Variants in HERC2 observed in about 807,000 individuals in gnomAD.
The protein encoded by HERC2 is E3 ubiquitin-protein ligase HERC2.
HERC2 carries 102 observed loss-of-function variants against 537.7 expected under a neutral mutation model. The observed-to-expected ratio is 0.19, with a 90% confidence interval of 0.16 to 0.22. The LOEUF is 0.22. HERC2 is among the 10% of genes least tolerant of loss of function. The pLI, the probability that HERC2 is intolerant of heterozygous loss-of-function variation, is 1.00. For synonymous variants in HERC2, 2,224 were observed against 2,466.2 expected, an observed-to-expected ratio of 0.90 and a Z score of 2.91; for missense variants, 4,236 against 6,198.2, an observed-to-expected ratio of 0.68 and a Z score of 10.63.
In HERC2 at chr15:28,211,099, G is replaced by A. The variant is rs369739861; in HGVS notation, c.6972C>T (p.Tyr2324=). ...DLLRCQQLKL[Y]ILKAGRALLS... is the part of the protein sequence containing the mutation. ...GCAGCGCCCGACCTGCTTTCAGGATGTATAGCTTCAACTGCTGGCACCGCA... is the reference window on the plus strand; with the variant it reads ...GCAGCGCCCGACCTGCTTTCAGGATATATAGCTTCAACTGCTGGCACCGCA... Residue 2324 remains tyrosine (Y), a synonymous_variant, in exon 44 of 93, where the codon TAC becomes TAT. Transcript: ENST00000261609. 24 of 1,610,636 alleles carry A rather than the reference G, an allele frequency of 1.5e-5. No individual in the cohort carries two copies. In the African/African-American group the frequency reaches 2.9e-4, roughly 20 times the overall value.
chr15:28,179,873 CTG>C (rs1419146732), intron 57 of HERC2, among the ~76,000 whole-genome samples: 2 of 152,122 alleles, frequency 1.3e-5, no homozygotes, highest in Non-Finnish European at 2.9e-5. Context: ...TTGTGCAGAG[CTG>C]TGTTTGTGTT....
At chr15:28,308,881 C>G (rs1443005048) in intron 2 of HERC2, among the ~76,000 whole-genome samples, 3 of 152,200 alleles carry the variant, frequency 2.0e-5, no homozygotes, top group Non-Finnish European at 2.9e-5. Context: ...TCCTTGTACC[C>G]CAGGGATAAA....
At chr15:28,159,067 C>T (rs2142401859) in intron 69 of HERC2, among the ~76,000 whole-genome samples, 1 of 152,332 alleles carries the variant, frequency 6.6e-6, no homozygotes, top group South Asian at 2.1e-4. Flanking sequence ...TATTGGCCCC[C>T]ACTCTCTTCT....
intron 16 of HERC2, among the ~76,000 whole-genome samples, chr15:28,258,959 G>A (rs952175135): frequency 6.6e-6 from 1 of 152,174 alleles, no homozygotes; most frequent in Non-Finnish European, 1.5e-5. Context: ...AACTTGACAC[G>A]TAAAAATCAG....
intron 12 of HERC2, among the ~76,000 whole-genome samples, chr15:28,267,876 C>T (rs191995535): frequency 7.2e-5 from 11 of 152,350 alleles, no homozygotes; most frequent in Non-Finnish European, 1.3e-4. Context: ...TTGGTGTGTA[C>T]ATACATCCCT....
At chr15:28,275,410 C>T (rs2075845236) in intron 5 of HERC2, among the ~76,000 whole-genome samples, 1 of 152,190 alleles carries the variant, frequency 6.6e-6, no homozygotes, top group Non-Finnish European at 1.5e-5. Flanking sequence ...CCTGGCTCGC[C>T]CCAGCTCCGG....
In HERC2 at chr15:28,186,689, G is replaced by A; in HGVS notation, c.8713C>T (p.His2905Tyr). 1 of 1,613,976 alleles carries A rather than the reference G, an allele frequency of 6.2e-7. No homozygotes were observed. The highest frequency in any genetic ancestry group is 1.1e-5 in the South Asian group (1 of 91,068). The change falls in exon 56 of 93, where the codon CAT (histidine) becomes TAT (tyrosine). Residue 2905 changes from histidine (H) to tyrosine (Y), a missense_variant. Transcript: ENST00000261609. ...ATCCGTCCCAGCAGGATGAGACCAT[G>A]GATTTTACAATCGATTCCTGAGCTC... ...CRSSGIDCKI[H>Y]GLILLGRIRA...
At chr15:28,197,253 TG>T (rs760635273) in intron 50 of HERC2, among the ~76,000 whole-genome samples, 1 of 152,218 alleles carries the variant, frequency 6.6e-6, no homozygotes, top group African/African-American at 2.4e-5. Flanking sequence ...AATCTCTTTA[TG>T]GCATCAAGAG....
intron 26 of HERC2, among the ~76,000 whole-genome samples, 186 bp downstream of exon 26, chr15:28,236,777 G>A (rs1391828477): frequency 6.6e-6 from 1 of 151,744 alleles, no homozygotes; most frequent in African/African-American, 2.4e-5. Context: ...TTGTAGAGAT[G>A]GGGTTTTGCC....
At chr15:28,229,098 A>G (rs1286255201) in intron 34 of HERC2, 97 bp downstream of exon 34, 5 of 1,126,256 alleles carry the variant, frequency 4.4e-6, no homozygotes, top group Non-Finnish European at 6.8e-6. Flanking sequence ...AACTTTAATT[A>G]AAATCTTCTC....
intron 35 of HERC2, among the ~76,000 whole-genome samples, chr15:28,225,206 C>A (rs1263241117): frequency 6.6e-6 from 1 of 151,928 alleles, no homozygotes; most frequent in African/African-American, 2.4e-5. Context: ...TGAGCCATGA[C>A]TGTGCCACTG....
Position 28,268,619 on chromosome 15 carries a change from AAAG to A in HERC2, c.1447-6_1447-4del, listed in dbSNP as rs2075634525. The A allele has an allele frequency of 4.3e-6, 7 of 1,612,652 alleles. 1 individual carries two copies. In the East Asian group the frequency reaches 1.3e-4, roughly 31 times the overall value. Reference sequence around the variant, plus strand: ...AGGCCTTGGACCAGCTGTGGGGCCTAAAGAAGGAAAAATACGAAGAAAAGTAGT... The same window carrying A: ...AGGCCTTGGACCAGCTGTGGGGCCTAAAGGAAAAATACGAAGAAAAGTAGT... On this transcript the variant is annotated splice_polypyrimidine_tract_variant and splice_region_variant and intron_variant, in intron 11 of 92. Transcript: ENST00000261609. The surrounding 1 kb of genome is among the most constrained non-coding windows in gnomAD (Gnocchi z 4.7).
intron 50 of HERC2, among the ~76,000 whole-genome samples, chr15:28,197,708 G>A (rs571527843): frequency 5.9e-5 from 9 of 152,268 alleles, no homozygotes; most frequent in African/African-American, 1.9e-4. Context: ...TCAAGATGGC[G>A]CCACTGCACT....
chr15:28,140,047 G>A (rs1397177702), intron 78 of HERC2, among the ~76,000 whole-genome samples: 1 of 150,956 alleles, frequency 6.6e-6, no homozygotes, highest in African/African-American at 2.4e-5. Flanking sequence ...CAGCCTGGGC[G>A]ACAGAGTGAG....
intron 36 of HERC2, among the ~76,000 whole-genome samples, chr15:28,220,872 CCACCA>C (rs1900456060): frequency 1.4e-5 from 2 of 146,860 alleles, no homozygotes; most frequent in African/African-American, 5.1e-5. Context: ...TCCATGGCTC[CCACCA>C]GACCTCAGTT....
chr15:28,279,224 G>A (rs1462768438), intron 5 of HERC2, among the ~76,000 whole-genome samples: 1 of 151,930 alleles, frequency 6.6e-6, no homozygotes, highest in Non-Finnish European at 1.5e-5. Flanking sequence ...CCCGACCTGA[G>A]GTGATCCGCC....
rs369344026 is a variant in HERC2 at position 28,218,439 on chromosome 15, G to A, written c.6028+50C>T. On this transcript the variant is annotated intron_variant, in intron 38 of 92. Transcript: ENST00000261609. Reference sequence around the variant, plus strand: ...CCCACATGAACACCCAGACACAAGCGTGCGGCCCCCAGCGCTGACTCCCTG... The same window carrying A: ...CCCACATGAACACCCAGACACAAGCATGCGGCCCCCAGCGCTGACTCCCTG... 1,100 of 1,490,026 alleles carry A rather than the reference G, an allele frequency of 7.4e-4. 6 individuals carry two copies. Among genetic ancestry groups the A allele is most frequent in the South Asian group, 4.4e-3 (389 of 88,934 alleles). 92.3% of individuals were successfully genotyped at this position (1,490,026 alleles called of 1,614,324 possible).
intron 16 of HERC2, 36 bp from the exon 17 acceptor site, chr15:28,257,297 A>C: frequency 1.3e-6 from 2 of 1,579,904 alleles, no homozygotes; most frequent in Non-Finnish European, 8.7e-7. Context: ...ATGAATCTCC[A>C]AATGCAGCTG....
At chr15:28,155,909 G>C (rs1237218765) in intron 69 of HERC2, among the ~76,000 whole-genome samples, 1 of 152,158 alleles carries the variant, frequency 6.6e-6, no homozygotes, top group Admixed American at 6.6e-5. Flanking sequence ...TAACATTTAA[G>C]TCTTTAACCC....
Sources: gnomAD v4.1 joint callset for allele counts (sites outside exome capture counted in the v4.1 genomes callset) on GRCh38, gnomAD v4.1.1 for gene constraint, Gnocchi (gnomAD v3.1) non-coding constraint, MANE v1.5 for transcripts, NCBI Gene and HGNC (gene_info 2026-07-23, HGNC 2026-07-21) for gene names.